The following F13A1 variants were observed in gnomAD, a reference collection of about 807,000 sequenced individuals.
F13A1 encodes the protein FSF, A subunit.
A neutral mutation model predicts 80.1 loss-of-function variants in F13A1; 47 were observed. The observed-to-expected ratio is 0.59, with a 90% confidence interval of 0.46 to 0.75. The LOEUF (loss-of-function observed/expected upper bound fraction) is 0.75. Among genes scored for constraint, F13A1 ranks in the 30% least tolerant of loss-of-function variants. F13A1 has a pLI of 0.00. For synonymous variants in F13A1, 349 were observed against 344.9 expected, an observed-to-expected ratio of 1.01 and a Z score of -0.13; for missense variants, 817 against 930.4, an observed-to-expected ratio of 0.88 and a Z score of 1.59.
At chr6:6,264,441 A>G (rs1298253512) in intron 4 of F13A1, among the ~76,000 whole-genome samples, 2 of 152,222 alleles carry the variant, frequency 1.3e-5, no homozygotes, top group African/African-American at 4.8e-5. Flanking sequence ...CAATTTTCTT[A>G]GAATAGGTTG....
At chr6:6,286,387 A>G (rs1047572343) in intron 3 of F13A1, among the ~76,000 whole-genome samples, 1 of 152,232 alleles carries the variant, frequency 6.6e-6, no homozygotes, top group Non-Finnish European at 1.5e-5. Flanking sequence ...GTCTGTCTCA[A>G]AAAAACGAAC....
intron 2 of F13A1, among the ~76,000 whole-genome samples, chr6:6,310,886 G>T (rs1742941): frequency 0.57 from 86,273 of 151,866 alleles, 25,623 homozygotes; most frequent in East Asian, 0.85. Flanking sequence ...AGGTAAAGAA[G>T]GTCCCTGGGA....
chr6:6,184,053 T>A (rs1761035583), intron 10 of F13A1, among the ~76,000 whole-genome samples: 1 of 152,216 alleles, frequency 6.6e-6, no homozygotes, highest in African/African-American at 2.4e-5. Context: ...CACAGAATGT[T>A]CTGAGTGCAC....
At chr6:6,217,698 AAAAAT>A (rs1347283580) in intron 8 of F13A1, among the ~76,000 whole-genome samples, 11 of 152,096 alleles carry the variant, frequency 7.2e-5, no homozygotes, top group Non-Finnish European at 1.2e-4. Flanking sequence ...AAATAAAAAT[AAAAAT>A]AAAATAATGT....
At chr6:6,318,455 A>C in intron 2 of F13A1, 80 bp downstream of exon 2, 1 of 1,500,968 alleles carries the variant, frequency 6.7e-7, no homozygotes. Flanking sequence ...GAGACAGAGG[A>C]TGTTTACCTG....
intron 12 of F13A1, among the ~76,000 whole-genome samples, chr6:6,171,300 T>TG (rs1487840358): frequency 6.6e-6 from 1 of 152,246 alleles, no homozygotes; most frequent in Non-Finnish European, 1.5e-5. Flanking sequence ...CTCATTGCTG[T>TG]GTGGGGGCTT....
chr6:6,223,758 C>T (rs541243383), intron 7 of F13A1, among the ~76,000 whole-genome samples: 93 of 151,958 alleles, frequency 6.1e-4, no homozygotes, highest in African/African-American at 1.9e-3. Flanking sequence ...GTTTTGTAAT[C>T]ATTTTTTTAA....
chr6:6,250,665 T>C lies in F13A1; in HGVS notation c.690+146A>G. On this transcript the variant is annotated intron_variant, in intron 5 of 14. Coordinates refer to ENST00000264870, the MANE Select transcript of F13A1 (RefSeq NM_000129.4). This position sits in a 1 kb window ranked among gnomAD's most constrained non-coding sequence, Gnocchi z 4.2. ...AGTTGTCTTTATGAGTCCCTACTCC[T>C]ATGCTCTCTGCCTTGGAGTCTCAGA... The C allele has an allele frequency of 1.5e-6, 1 of 671,960 alleles. No homozygotes were observed. Among genetic ancestry groups the C allele is most frequent in the South Asian group, 1.7e-5 (1 of 60,334 alleles). The allele number at this position is 671,960 out of a possible 1,614,324, so 41.6% of individuals were successfully genotyped here. A position where few individuals can be genotyped will look rare whatever the true frequency, so the allele number is the denominator to read the frequency against.
At chr6:6,231,456 G>A (rs528469597) in intron 6 of F13A1, among the ~76,000 whole-genome samples, 18 of 151,592 alleles carry the variant, frequency 1.2e-4, no homozygotes, top group Admixed American at 2.0e-4. Flanking sequence ...AAGAATAATC[G>A]GTGTTCCTGA....
chr6:6,224,625 A>G, intron 7 of F13A1, 61 bp downstream of exon 7: 1 of 1,512,740 alleles, frequency 6.6e-7, no homozygotes, highest in Non-Finnish European at 9.2e-7. Context: ...GGTTATAGAA[A>G]AAATGTCTTA....
intron 8 of F13A1, among the ~76,000 whole-genome samples, chr6:6,221,670 T>C (rs550939389): frequency 2.6e-5 from 4 of 152,308 alleles, no homozygotes; most frequent in Non-Finnish European, 5.9e-5. Context: ...GTTAGCTCTA[T>C]TAGTCCCAGG....
intron 10 of F13A1, among the ~76,000 whole-genome samples, chr6:6,185,273 C>T (rs1209630992): frequency 8.2e-6 from 1 of 121,640 alleles, no homozygotes. Context: ...TATGCTATCC[C>T]TCCCCCCTCC....
chr6:6,225,539 G>A (rs1448589279), intron 6 of F13A1, among the ~76,000 whole-genome samples: 1 of 150,238 alleles, frequency 6.7e-6, no homozygotes, highest in East Asian at 1.9e-4. Context: ...ATAAGGTCTC[G>A]ATCTGTCACA....
chr6:6,266,680 G>A lies in F13A1; in HGVS notation c.449C>T (p.Ser150Phe). ...GAATTTCCCCACAATACATTTGGGG[G>A]AAGACTGGATGGACAGCCGCACAGA... ...DRSVRLSIQS[S>F]PKCIVGKFRM... Residue 150 changes from serine (S) to phenylalanine (F), a missense_variant, in exon 4 of 15, where the codon TCC (serine) becomes TTC (phenylalanine). Ser to Phe is a radical substitution (Grantham distance 155). Coordinates refer to ENST00000264870, the MANE Select transcript of F13A1 (RefSeq NM_000129.4). 1 of 1,614,224 alleles carries A rather than the reference G, an allele frequency of 6.2e-7. No homozygotes were observed. The highest frequency in any genetic ancestry group is 8.5e-7 in the Non-Finnish European group (1 of 1,180,050).
chr6:6,204,060 G>A (rs925240473), intron 8 of F13A1, among the ~76,000 whole-genome samples: 4 of 152,126 alleles, frequency 2.6e-5, no homozygotes, highest in African/African-American at 7.2e-5. Flanking sequence ...CCTATGGGGT[G>A]GTGAAGAGCT....
intron 11 of F13A1, among the ~76,000 whole-genome samples, chr6:6,177,732 T>C (rs1459254862): frequency 6.6e-6 from 1 of 152,224 alleles, no homozygotes; most frequent in African/African-American, 2.4e-5. Flanking sequence ...TTTCCCTCAC[T>C]GGTGCAGAAG....
intron 3 of F13A1, among the ~76,000 whole-genome samples, chr6:6,271,611 T>A (rs905833629): frequency 2.0e-5 from 3 of 152,226 alleles, no homozygotes; most frequent in Non-Finnish European, 4.4e-5. Flanking sequence ...TCCCGTTTTG[T>A]TTTTAATAAT....
rs1032598921 is a variant in F13A1, at chr6:6,243,315, C to T, written c.798+4997G>A. On this transcript the variant is annotated intron_variant, in intron 6 of 14. Coordinates refer to ENST00000264870, the MANE Select transcript of F13A1 (RefSeq NM_000129.4). This position sits in a 1 kb window ranked among gnomAD's most constrained non-coding sequence, Gnocchi z 4.2. ...ATCACCACCATTATTATCACAATCA[C>T]TATCACCACCACCGTCACCACCACC... Among the ~76,000 whole-genome samples, 3 of 150,768 alleles carry T rather than the reference C, an allele frequency of 2.0e-5. No individual in the cohort carries two copies. Among genetic ancestry groups the T allele is most frequent in the Non-Finnish European group, 3.0e-5 (2 of 67,548 alleles).
intron 12 of F13A1, among the ~76,000 whole-genome samples, chr6:6,172,353 C>T (rs906506727): frequency 1.3e-5 from 2 of 152,146 alleles, no homozygotes; most frequent in Non-Finnish European, 2.9e-5. Flanking sequence ...CCTCTTCAGT[C>T]CTTTACACTG....
Sources: gnomAD v4.1 joint callset for allele counts (sites outside exome capture counted in the v4.1 genomes callset) on GRCh38, gnomAD v4.1.1 for gene constraint, Gnocchi (gnomAD v3.1) non-coding constraint, MANE v1.5 for transcripts, NCBI Gene and HGNC (gene_info 2026-07-23, HGNC 2026-07-21) for gene names.